The following TIAM1 variants were observed in gnomAD, a reference collection of about 807,000 sequenced individuals.
The protein encoded by TIAM1 is TIAM Rac1 associated GEF 1, also known as rho guanine nucleotide exchange factor TIAM1.
A neutral mutation model predicts 163.5 loss-of-function variants in TIAM1; 65 were observed. That is an observed-to-expected ratio of 0.40 (90% CI 0.33 to 0.49). TIAM1 has a LOEUF of 0.49. Among genes scored for constraint, TIAM1 ranks in the 20% least tolerant of loss-of-function variants. The probability of loss-of-function intolerance (pLI) is 0.77; values close to 1 mark genes in which losing one functional copy is unlikely to be tolerated. For missense variants in TIAM1, 1,789 were observed against 2,044.7 expected (o/e 0.87, Z 2.41); for synonymous variants, 833 against 810.1 (o/e 1.03, Z -0.48).
At chr21:31,325,917 A>C (rs574348020) in intron 2 of TIAM1, among the ~76,000 whole-genome samples, 1 of 152,158 alleles carries the variant, frequency 6.6e-6, no homozygotes, top group Non-Finnish European at 1.5e-5. Flanking sequence ...TATACTACAC[A>C]CTGGCATTTA....
At chr21:31,538,044 T>C (rs949203810) in intron 1 of TIAM1, among the ~76,000 whole-genome samples, 3 of 152,234 alleles carry the variant, frequency 2.0e-5, no homozygotes, top group Admixed American at 6.5e-5. Flanking sequence ...CAAAAATACA[T>C]CTATGGGGTT....
intron 6 of TIAM1, among the ~76,000 whole-genome samples, chr21:31,228,218 TTTAAAAAAAAAAAAAAA>T (rs2088116425): frequency 5.3e-5 from 1 of 19,040 alleles, no homozygotes; most frequent in Non-Finnish European, 1.1e-4. Context: ...GCCTCCTTTT[TTTAAAAAAAAAAAAAAA>T]AAAAAAAAAA....
intron 8 of TIAM1, among the ~76,000 whole-genome samples, chr21:31,218,112 G>C (rs2087322790): frequency 6.6e-6 from 1 of 152,174 alleles, no homozygotes; most frequent in Non-Finnish European, 1.5e-5. Flanking sequence ...AGCAACAATA[G>C]TGGAAAAACA....
At chr21:31,544,563 G>T (rs2048426801) in intron 1 of TIAM1, among the ~76,000 whole-genome samples, 1 of 152,054 alleles carries the variant, frequency 6.6e-6, no homozygotes, top group Non-Finnish European at 1.5e-5. Flanking sequence ...CGGTGGCAAA[G>T]GTTGCAGTCA....
chr21:31,197,589 T>G (rs2085940212), intron 12 of TIAM1, among the ~76,000 whole-genome samples: 1 of 146,960 alleles, frequency 6.8e-6, no homozygotes, highest in South Asian at 2.2e-4. Context: ...CACCATAGTC[T>G]CGATCTCCTG....
chr21:31,431,523 C>T (rs1038630865), intron 2 of TIAM1, among the ~76,000 whole-genome samples: 1 of 152,154 alleles, frequency 6.6e-6, no homozygotes, highest in African/African-American at 2.4e-5. Context: ...CATCCTAAGG[C>T]CCAAGAACAG....
intron 9 of TIAM1, among the ~76,000 whole-genome samples, chr21:31,217,139 G>A (rs938188518): frequency 1.3e-5 from 2 of 151,976 alleles, no homozygotes; most frequent in Admixed American, 6.6e-5. Context: ...TCAGGGAGGT[G>A]GAGGTTGCAG....
At chr21:31,335,705 C>CAAAAAA (rs142300088) in intron 2 of TIAM1, among the ~76,000 whole-genome samples, 101 of 143,874 alleles carry the variant, frequency 7.0e-4, no homozygotes, top group Middle Eastern at 3.5e-3. Flanking sequence ...ACTCTGTCTC[C>CAAAAAA]AAAAAAAAAG....
intron 1 of TIAM1, among the ~76,000 whole-genome samples, chr21:31,500,304 A>G (rs995932928): frequency 3.3e-5 from 5 of 152,248 alleles, no homozygotes; most frequent in South Asian, 2.1e-4. Flanking sequence ...TGACTGGGTC[A>G]GCTACTTCAC....
intron 2 of TIAM1, among the ~76,000 whole-genome samples, chr21:31,362,847 G>A (rs1410858785): frequency 6.6e-6 from 1 of 152,106 alleles, no homozygotes; most frequent in Non-Finnish European, 1.5e-5. Flanking sequence ...TACACTGTAA[G>A]GGGGTTTATC....
intron 2 of TIAM1, among the ~76,000 whole-genome samples, chr21:31,409,121 T>C (rs2077299620): frequency 6.6e-6 from 1 of 151,726 alleles, no homozygotes; most frequent in African/African-American, 2.4e-5. Flanking sequence ...TCTTTTTTTT[T>C]TTTTTTTGAG....
intron 1 of TIAM1, among the ~76,000 whole-genome samples, chr21:31,508,388 T>TTC (rs200586220): frequency 2.0e-4 from 19 of 93,814 alleles, no homozygotes; most frequent in East Asian, 1.6e-3. Context: ...TTGAAATTTC[T>TTC]TTTTTTTTTT....
chr21:31,294,094 T>TG (rs557379077), intron 2 of TIAM1, among the ~76,000 whole-genome samples: 3 of 152,092 alleles, frequency 2.0e-5, no homozygotes, highest in Admixed American at 6.5e-5. Context: ...ATGGTGAGGG[T>TG]GGGGGGTGTC....
At chr21:31,463,110 A>G (rs2045394296) in intron 2 of TIAM1, among the ~76,000 whole-genome samples, 1 of 152,132 alleles carries the variant, frequency 6.6e-6, no homozygotes, top group Non-Finnish European at 1.5e-5. Flanking sequence ...TCACCAATTC[A>G]AAAGAGGTAA....
intron 1 of TIAM1, among the ~76,000 whole-genome samples, chr21:31,546,294 G>A (rs541316613): frequency 6.6e-6 from 1 of 152,064 alleles, no homozygotes; most frequent in East Asian, 1.9e-4. Context: ...GCTCACACCT[G>A]TAATCTCAGC....
At chr21:31,528,233 A>G (rs937232785) in intron 1 of TIAM1, among the ~76,000 whole-genome samples, 6 of 152,178 alleles carry the variant, frequency 3.9e-5, no homozygotes, top group African/African-American at 1.4e-4. Flanking sequence ...TACTTCCCAA[A>G]GCCAGGCACA....
At chr21:31,239,149 G>A (rs1435025513) in intron 6 of TIAM1, among the ~76,000 whole-genome samples, 1 of 151,304 alleles carries the variant, frequency 6.6e-6, no homozygotes, top group East Asian at 1.9e-4. Flanking sequence ...TTAAGATAGG[G>A]TCTCGCTCTG....
intron 1 of TIAM1, among the ~76,000 whole-genome samples, chr21:31,552,436 G>A (rs767527838): frequency 6.6e-6 from 1 of 152,126 alleles, no homozygotes; most frequent in Non-Finnish European, 1.5e-5. Context: ...CAAAAACTGC[G>A]TCCCTACTAC....
intron 2 of TIAM1, 54 bp downstream of exon 2, chr21:31,339,189 G>T: frequency 2.5e-6 from 1 of 396,410 alleles, no homozygotes; most frequent in East Asian, 3.6e-5. Flanking sequence ...AGATAATAAA[G>T]ACTTTAAAAG....
Sources: gnomAD v4.1 joint callset for allele counts (sites outside exome capture counted in the v4.1 genomes callset) on GRCh38, gnomAD v4.1.1 for gene constraint, MANE v1.5 for transcripts, NCBI Gene and HGNC (gene_info 2026-07-23, HGNC 2026-07-21) for gene names.